The following GLYATL3 variants were observed in gnomAD, a reference collection of about 807,000 sequenced individuals.
GLYATL3 encodes glycine-N-acyltransferase like 3, also known as glycine N-acyltransferase-like protein 3.
Under a neutral mutation model 28.5 loss-of-function variants are expected in GLYATL3, and 31 were observed. That is an observed-to-expected ratio of 1.09 (90% CI 0.82 to 1.47). The LOEUF (loss-of-function observed/expected upper bound fraction) is 1.47, where lower values mean the gene tolerates loss of function less well. GLYATL3 is among the 40% of genes most tolerant of loss of function. The probability of loss-of-function intolerance (pLI) is 0.00; values close to 1 mark genes in which losing one functional copy is unlikely to be tolerated. For missense variants in GLYATL3, 369 were observed against 351.5 expected (o/e 1.05, Z -0.40); for synonymous variants, 141 against 140.2 (o/e 1.01, Z -0.04).
chr6:49,506,539 AT>A (rs530726906), intron 1 of GLYATL3, among the ~76,000 whole-genome samples: 3 of 152,184 alleles, frequency 2.0e-5, no homozygotes, highest in Non-Finnish European at 4.4e-5. Context: ...TTTAAGGTCA[AT>A]GATAATTAAA....
chr6:49,500,757 A>G (rs1268437487), intron 1 of GLYATL3, among the ~76,000 whole-genome samples: 2 of 152,200 alleles, frequency 1.3e-5, no homozygotes, highest in African/African-American at 4.8e-5. Flanking sequence ...GACAGTACTA[A>G]TCAAGTGGTA....
intron 1 of GLYATL3, among the ~76,000 whole-genome samples, chr6:49,501,066 G>GT (rs1410745568): frequency 1.3e-5 from 2 of 152,178 alleles, no homozygotes; most frequent in African/African-American, 4.8e-5. Flanking sequence ...GTATAGTCTA[G>GT]AAGGGTAAGT....
intron 2 of GLYATL3, among the ~76,000 whole-genome samples, chr6:49,513,770 T>C (rs939317957): frequency 6.6e-6 from 1 of 152,120 alleles, no homozygotes; most frequent in Non-Finnish European, 1.5e-5. Flanking sequence ...TAGAAGAAAG[T>C]TGTACAATTC....
chr6:49,522,360 T>TGA (rs1561980132), intron 5 of GLYATL3, among the ~76,000 whole-genome samples: 1 of 46,696 alleles, frequency 2.1e-5, no homozygotes, highest in South Asian at 7.3e-4. Flanking sequence ...AGATGCAATC[T>TGA]TTCAAAACAC....
chr6:49,505,385 G>A (rs888116033), intron 1 of GLYATL3, among the ~76,000 whole-genome samples: 3 of 152,186 alleles, frequency 2.0e-5, no homozygotes, highest in African/African-American at 7.2e-5. Flanking sequence ...CTAAAATCCT[G>A]TAATGCAGAG....
Position 49,515,912 on chromosome 6 carries a change from TTCCC to T in GLYATL3, c.186+169_186+172del, listed in dbSNP as rs372174662. Among the ~76,000 whole-genome samples, 240 of 149,192 alleles carry T rather than the reference TTCCC, an allele frequency of 1.6e-3. 1 individual carries two copies. The Middle Eastern group carries it at 0.017, about 11-fold the overall frequency. The stretch of plus-strand genomic sequence containing the variant: ...TTCTTTCTTTCTTTCCCTTCTTTCC[TTCCC>T]TCCCTCCCTCCCTCCCCTCCCTCTC... On this transcript the variant is annotated intron_variant, in intron 3 of 5. Transcript: ENST00000371197.
intron 5 of GLYATL3, 54 bp downstream of exon 5, chr6:49,521,825 A>C: frequency 6.8e-7 from 1 of 1,463,192 alleles, no homozygotes; most frequent in South Asian, 1.3e-5. Flanking sequence ...ATAGAAGTAC[A>C]CGTAGCAGTA....
intron 1 of GLYATL3, among the ~76,000 whole-genome samples, chr6:49,507,797 AG>A: frequency 6.6e-6 from 1 of 152,258 alleles, no homozygotes; most frequent in Admixed American, 6.5e-5. Flanking sequence ...AGCTGAGTCC[AG>A]GGGGGTCACC....
chr6:49,507,723 C>T (rs1413638031), intron 1 of GLYATL3, among the ~76,000 whole-genome samples: 1 of 152,232 alleles, frequency 6.6e-6, no homozygotes, highest in South Asian at 2.1e-4. Context: ...CAATGGGACT[C>T]TCTCTTTGTT....
intron 1 of GLYATL3, among the ~76,000 whole-genome samples, chr6:49,503,798 C>T (rs1293952657): frequency 6.6e-6 from 1 of 151,982 alleles, no homozygotes; most frequent in Non-Finnish European, 1.5e-5. Flanking sequence ...TACCAAGTGT[C>T]CTAAAGAGTG....
intron 1 of GLYATL3, among the ~76,000 whole-genome samples, chr6:49,504,690 A>C (rs1417295512): frequency 6.6e-6 from 1 of 152,132 alleles, no homozygotes; most frequent in Non-Finnish European, 1.5e-5. Flanking sequence ...CTTGTGGGTT[A>C]TAAGGAATAT....
intron 2 of GLYATL3, among the ~76,000 whole-genome samples, chr6:49,515,148 G>T (rs1217523776): frequency 1.3e-5 from 2 of 152,080 alleles, no homozygotes; most frequent in African/African-American, 4.8e-5. Context: ...TTTAATTTGA[G>T]TTGGTGTCAC....
chr6:49,507,512 A>C (rs923701419), intron 1 of GLYATL3, among the ~76,000 whole-genome samples: 4 of 152,196 alleles, frequency 2.6e-5, no homozygotes, highest in African/African-American at 9.7e-5. Context: ...TTAGACTGTG[A>C]TTGTCGCATA....
chr6:49,520,829 T>G (rs1023594652), intron 4 of GLYATL3, among the ~76,000 whole-genome samples: 6 of 152,100 alleles, frequency 3.9e-5, no homozygotes. Flanking sequence ...CAACCTGGAC[T>G]TATAGGGAGA....
chr6:49,510,051 T>TGCACTTG (rs1252890848), intron 1 of GLYATL3, among the ~76,000 whole-genome samples: 1 of 151,262 alleles, frequency 6.6e-6, no homozygotes, highest in Non-Finnish European at 1.5e-5. Flanking sequence ...TATTTATTTT[T>TGCACTTG]TTGACGGAGT....
At chr6:49,506,720 G>T (rs1769017557) in intron 1 of GLYATL3, among the ~76,000 whole-genome samples, 1 of 152,104 alleles carries the variant, frequency 6.6e-6, no homozygotes, top group Admixed American at 6.6e-5. Context: ...CGGCTCAATA[G>T]TGTTTGCTTG....
intron 4 of GLYATL3, among the ~76,000 whole-genome samples, chr6:49,518,717 G>T (rs1414585895): frequency 1.3e-5 from 2 of 152,126 alleles, no homozygotes; most frequent in African/African-American, 2.4e-5. Context: ...GAGGTGGGTA[G>T]ATCGTGAGGT....
chr6:49,507,499 T>G (rs1423760998), intron 1 of GLYATL3, among the ~76,000 whole-genome samples: 1 of 152,156 alleles, frequency 6.6e-6, no homozygotes, highest in Non-Finnish European at 1.5e-5. Context: ...ATAAGCCTGG[T>G]GTTTAGACTG....
At chr6:49,512,251 GGGAA>G (rs1769134604) in intron 2 of GLYATL3, among the ~76,000 whole-genome samples, 183 bp downstream of exon 2, 1 of 149,530 alleles carries the variant, frequency 6.7e-6, no homozygotes, top group African/African-American at 2.5e-5. Context: ...ATAAGGCCCA[GGGAA>G]TTACACTTTT....
Sources: gnomAD v4.1 joint callset for allele counts (sites outside exome capture counted in the v4.1 genomes callset) on GRCh38, gnomAD v4.1.1 for gene constraint, MANE v1.5 for transcripts, NCBI Gene and HGNC (gene_info 2026-07-23, HGNC 2026-07-21) for gene names.